The following AFAP1 variants were observed in gnomAD, a reference collection of about 807,000 sequenced individuals.
AFAP1 encodes actin filament associated protein 1, also known as actin filament-associated protein 1.
AFAP1 carries 75 observed loss-of-function variants against 93.9 expected under a neutral mutation model. The observed-to-expected ratio is 0.80, with a 90% CI of 0.66 to 0.97. The LOEUF (loss-of-function observed/expected upper bound fraction) is 0.97. Ranked by LOEUF, AFAP1 falls within the 50% of genes least tolerant of loss-of-function variation. AFAP1 has a pLI of 0.00. For missense variants in AFAP1, 1,201 were observed against 1,050.8 expected, an observed-to-expected ratio of 1.14 and a Z score of -1.98; for synonymous variants, 517 against 430.7, an observed-to-expected ratio of 1.20 and a Z score of -2.48.
chr4:7,785,503 G>A (rs1351092160), intron 12 of AFAP1, among the ~76,000 whole-genome samples: 1 of 152,188 alleles, frequency 6.6e-6, no homozygotes, highest in African/African-American at 2.4e-5. Flanking sequence ...GGATTTCACA[G>A]CATTTTAATC....
intron 12 of AFAP1, among the ~76,000 whole-genome samples, chr4:7,785,137 G>A (rs189428284): frequency 1.3e-5 from 2 of 152,166 alleles, no homozygotes; most frequent in South Asian, 2.1e-4. Context: ...ATCTCTGAAC[G>A]CCCAGGGCCG....
chr4:7,934,244 A>G (rs1367907328), intron 1 of AFAP1, among the ~76,000 whole-genome samples: 2 of 152,208 alleles, frequency 1.3e-5, no homozygotes, highest in Admixed American at 6.5e-5. Flanking sequence ...TACCACACAG[A>G]AGACTAAACA....
intron 11 of AFAP1, among the ~76,000 whole-genome samples, chr4:7,791,266 G>A (rs1195999589): frequency 1.3e-5 from 2 of 152,142 alleles, no homozygotes; most frequent in Non-Finnish European, 2.9e-5. Context: ...TGGAATTCAT[G>A]ACCAGCTTTG....
In AFAP1 at chr4:7,788,255, C is replaced by G. The variant is rs1256011496; in HGVS notation, c.1413-1944G>C. Among the ~76,000 whole-genome samples the G allele has an allele frequency of 2.0e-5, 3 of 152,218 alleles. 1 individual carries two copies. The highest frequency in any genetic ancestry group is 2.0e-4 in the Admixed American group (3 of 15,294). ...TCATAGGATCCTGCGCTTCTGTGAT[C>G]ACCAGATGAAGAAAACACAGCGTAA... is the stretch of plus-strand genomic sequence containing the variant. On this transcript the variant is annotated intron_variant, in intron 11 of 17. Coordinates refer to ENST00000420658, the MANE Select transcript of AFAP1 (RefSeq NM_001134647.2).
At chr4:7,934,950 T>C (rs145768566) in intron 1 of AFAP1, among the ~76,000 whole-genome samples, 1 of 152,318 alleles carries the variant, frequency 6.6e-6, no homozygotes, top group East Asian at 1.9e-4. Context: ...GCACATTCAA[T>C]ACCTTTGCAA....
At position 7,793,840 on chromosome 4, in the gene AFAP1, A is replaced by T. The variant is rs547133124; in HGVS notation, c.1267-14T>A. 6.6e-7 allele frequency: 1 copy of T among 1,515,394 alleles called. No individual in the cohort carries two copies. Among genetic ancestry groups the T allele is most frequent in the South Asian group, 1.3e-5 (1 of 76,892 alleles). The allele number at this position is 1,515,394 out of a possible 1,614,324, so 93.9% of individuals were successfully genotyped here. ...AGAAGAAGATGCCTGTTGAAGTGGG[A>T]AAAAAGGTAGGCTGTATTTAACTAA... On this transcript the variant is annotated splice_polypyrimidine_tract_variant and intron_variant, in intron 10 of 17. Coordinates refer to ENST00000420658, the MANE Select transcript of AFAP1 (RefSeq NM_001134647.2).
intron 10 of AFAP1, among the ~76,000 whole-genome samples, chr4:7,800,197 G>A (rs1718889709): frequency 6.6e-6 from 1 of 152,226 alleles, no homozygotes; most frequent in Non-Finnish European, 1.5e-5. Flanking sequence ...TCAATCTGAT[G>A]TGTACAAATG....
At chr4:7,766,988 G>C (rs1714694659) in intron 17 of AFAP1, among the ~76,000 whole-genome samples, 1 of 152,090 alleles carries the variant, frequency 6.6e-6, no homozygotes, top group Admixed American at 6.6e-5. Context: ...TTGGTCCCCA[G>C]AAAAAGGCGG....
intron 3 of AFAP1, among the ~76,000 whole-genome samples, chr4:7,863,729 G>A (rs1009790982): frequency 6.6e-6 from 1 of 152,106 alleles, no homozygotes; most frequent in African/African-American, 2.4e-5. Flanking sequence ...AAGGTATGAA[G>A]CACTATTAGA....
chr4:7,768,415 C>CTAGG (rs1195371880), intron 17 of AFAP1, among the ~76,000 whole-genome samples: 3 of 152,184 alleles, frequency 2.0e-5, no homozygotes, highest in African/African-American at 7.2e-5. Context: ...GCTGGCGGTG[C>CTAGG]TAGGGAAGGG....
intron 1 of AFAP1, among the ~76,000 whole-genome samples, chr4:7,928,338 T>C (rs887183695): frequency 3.9e-5 from 6 of 152,178 alleles, no homozygotes; most frequent in African/African-American, 1.4e-4. Context: ...GCTCTTTCAT[T>C]CAGCTCTACC....
At chr4:7,898,122 C>T (rs1008201261) in intron 1 of AFAP1, among the ~76,000 whole-genome samples, 2 of 152,160 alleles carry the variant, frequency 1.3e-5, no homozygotes, top group African/African-American at 4.8e-5. Flanking sequence ...GGAAAAGCCT[C>T]CCAATCACCG....
At chr4:7,764,476 C>T (rs1433471915) in intron 17 of AFAP1, among the ~76,000 whole-genome samples, 4 of 152,134 alleles carry the variant, frequency 2.6e-5, no homozygotes, top group East Asian at 3.9e-4. Context: ...AGAAGGATGG[C>T]GGCGATGGCT....
intron 6 of AFAP1, among the ~76,000 whole-genome samples, 175 bp downstream of exon 6, chr4:7,838,349 G>A (rs550094095): frequency 6.6e-5 from 10 of 152,116 alleles, no homozygotes; most frequent in African/African-American, 9.7e-5. Flanking sequence ...AAAGTGACGC[G>A]GGGTTTCTGA....
At chr4:7,832,670 TAA>T (rs5855986) in intron 6 of AFAP1, among the ~76,000 whole-genome samples, 1 of 142,498 alleles carries the variant, frequency 7.0e-6, no homozygotes, top group Non-Finnish European at 1.5e-5. Flanking sequence ...ATTCATATGT[TAA>T]AAAAAAAAAA....
chr4:7,925,853 AAAAG>A (rs113529731), intron 1 of AFAP1, among the ~76,000 whole-genome samples: 4 of 147,254 alleles, frequency 2.7e-5, no homozygotes, highest in Non-Finnish European at 4.5e-5. Context: ...CTCAAAAAAA[AAAAG>A]AAAGAAAGAA....
At chr4:7,899,025 G>GTA (rs35475290) in intron 1 of AFAP1, among the ~76,000 whole-genome samples, 47,196 of 148,680 alleles carry the variant, frequency 0.32, 8,704 homozygotes, top group Non-Finnish European at 0.43. Context: ...ATATGTGTGT[G>GTA]TATATATATA....
intron 4 of AFAP1, among the ~76,000 whole-genome samples, chr4:7,848,098 A>G (rs1713954532): frequency 1.1e-5 from 1 of 89,318 alleles, no homozygotes. Context: ...GAGGGAAGGA[A>G]AGAAGGAAGG....
At chr4:7,818,265 G>A (rs570487600) in intron 7 of AFAP1, among the ~76,000 whole-genome samples, 5 of 152,110 alleles carry the variant, frequency 3.3e-5, no homozygotes, top group South Asian at 2.1e-4. Flanking sequence ...CTCCGCCTGC[G>A]GCCCACACTG....
Sources: gnomAD v4.1 joint callset for allele counts (sites outside exome capture counted in the v4.1 genomes callset) on GRCh38, gnomAD v4.1.1 for gene constraint, MANE v1.5 for transcripts, NCBI Gene and HGNC (gene_info 2026-07-23, HGNC 2026-07-21) for gene names.